The following REDIC1 variants were observed in gnomAD, a reference collection of about 807,000 sequenced individuals.
REDIC1 encodes HEI10 Interacting Protein 1.
At chr12:39,763,410 T>C in the REDIC1 span, among the ~76,000 whole-genome samples, 1 of 152,232 alleles carries the variant, frequency 6.6e-6, no homozygotes, top group Non-Finnish European at 1.5e-5. Flanking sequence ...TCACCATTCA[T>C]CTGCAAAATT....
chr12:39,692,407 A>G, the REDIC1 span, among the ~76,000 whole-genome samples: 2 of 151,898 alleles, frequency 1.3e-5, no homozygotes, highest in Non-Finnish European at 2.9e-5. Context: ...CTTCAATTGT[A>G]TTTCATATCC....
chr12:39,876,333 A>G, the REDIC1 span, among the ~76,000 whole-genome samples: 13 of 152,358 alleles, frequency 8.5e-5, no homozygotes, highest in South Asian at 2.7e-3. Context: ...AACTAGCAAT[A>G]AAAGACTAAA....
the REDIC1 span, among the ~76,000 whole-genome samples, chr12:39,713,303 CACATACGTGTATATATGTGTATACACAT>C: frequency 1.4e-4 from 2 of 14,424 alleles, no homozygotes; most frequent in East Asian, 2.6e-3. Context: ...TGTGTACACA[CACATACGTGTATATATGTGTATACACAT>C]ATACGTGTAT....
chr12:39,785,395 A>G, the REDIC1 span, among the ~76,000 whole-genome samples: 2 of 152,216 alleles, frequency 1.3e-5, no homozygotes, highest in Non-Finnish European at 2.9e-5. Context: ...GGTGCACAGA[A>G]GTCAAGAATT....
At chr12:39,830,434 C>CA in the REDIC1 span, 3 of 1,277,392 alleles carry the variant, frequency 2.3e-6, no homozygotes, top group Non-Finnish European at 3.0e-6. Flanking sequence ...TTGGCCACAG[C>CA]AACTTTGGAA....
chr12:39,824,286 C>T, the REDIC1 span, among the ~76,000 whole-genome samples: 1 of 152,190 alleles, frequency 6.6e-6, no homozygotes, highest in Admixed American at 6.5e-5. Flanking sequence ...TGGTCTGATT[C>T]ACATCAAAGA....
chr12:39,841,650 T>C, the REDIC1 span, among the ~76,000 whole-genome samples: 1 of 152,074 alleles, frequency 6.6e-6, no homozygotes, highest in African/African-American at 2.4e-5. Context: ...TTGATACTTT[T>C]CAGAGTAAAA....
chr12:39,789,795 C>A, the REDIC1 span, among the ~76,000 whole-genome samples: 4 of 152,088 alleles, frequency 2.6e-5, no homozygotes, highest in Admixed American at 2.6e-4. Context: ...TAATTAAGAG[C>A]TTGAGCCCCC....
At chr12:39,804,347 C>T in the REDIC1 span, among the ~76,000 whole-genome samples, 2 of 151,982 alleles carry the variant, frequency 1.3e-5, no homozygotes, top group Non-Finnish European at 2.9e-5. Flanking sequence ...TTATAAACAC[C>T]TGATAATATA....
At chr12:39,702,827 C>T in the REDIC1 span, among the ~76,000 whole-genome samples, 1 of 152,180 alleles carries the variant, frequency 6.6e-6, no homozygotes, top group Non-Finnish European at 1.5e-5. Context: ...GAACCAAAGA[C>T]AAAAACCACA....
chr12:39,713,891 T>G, the REDIC1 span, among the ~76,000 whole-genome samples: 1 of 147,596 alleles, frequency 6.8e-6, no homozygotes, highest in South Asian at 2.1e-4. Context: ...GTATATACAC[T>G]TATACGTATA....
chr12:39,694,806 C>G, the REDIC1 span, among the ~76,000 whole-genome samples: 1 of 152,240 alleles, frequency 6.6e-6, no homozygotes, highest in South Asian at 2.1e-4. Flanking sequence ...TCCCGTAACC[C>G]AGACCACTCA....
chr12:39,731,313 G>A, the REDIC1 span, among the ~76,000 whole-genome samples: 1 of 152,160 alleles, frequency 6.6e-6, no homozygotes, highest in Non-Finnish European at 1.5e-5. Flanking sequence ...GGTCTTTGAT[G>A]TTGGTGACCT....
chr12:39,879,625 G>T, the REDIC1 span, among the ~76,000 whole-genome samples: 2 of 152,104 alleles, frequency 1.3e-5, no homozygotes, highest in East Asian at 3.8e-4. Flanking sequence ...TCTCCCTTTT[G>T]GAATGAGAAT....
chr12:39,677,098 A>C, the REDIC1 span, among the ~76,000 whole-genome samples: 5 of 151,880 alleles, frequency 3.3e-5, no homozygotes. Context: ...TCACATGTCA[A>C]TACTAACATT....
the REDIC1 span, among the ~76,000 whole-genome samples, chr12:39,750,882 C>G: frequency 5.3e-5 from 8 of 152,138 alleles, no homozygotes; most frequent in Non-Finnish European, 1.2e-4. Flanking sequence ...AAACTGGATC[C>G]CTTCCTTACA....
the REDIC1 span, among the ~76,000 whole-genome samples, chr12:39,900,873 A>G: frequency 2.0e-5 from 3 of 152,342 alleles, no homozygotes; most frequent in South Asian, 2.1e-4. Context: ...AAGATCCCGC[A>G]TCGCCAAGTC....
chr12:39,878,532 G>C, the REDIC1 span, among the ~76,000 whole-genome samples: 1 of 152,190 alleles, frequency 6.6e-6, no homozygotes. Context: ...AGGGGTCTGT[G>C]AAAGCTTGAG....
At chr12:39,895,735 TAC>T in the REDIC1 span, among the ~76,000 whole-genome samples, 1 of 99,974 alleles carries the variant, frequency 1.0e-5, no homozygotes, top group African/African-American at 3.6e-5. Flanking sequence ...CGTGTATACG[TAC>T]ACACATGTAT....
Sources: allele counts gnomAD v4.1 joint callset (sites outside exome capture counted in the v4.1 genomes callset), GRCh38; gene constraint gnomAD v4.1.1; transcripts MANE v1.5; gene names NCBI Gene and HGNC (gene_info 2026-07-23, HGNC 2026-07-21).